MYT1: variants seen among roughly 807,000 people sequenced by gnomAD.
The protein encoded by MYT1 is myelin transcription factor I.
MYT1 carries 23 observed loss-of-function variants against 123.0 expected under a neutral mutation model. That is an observed-to-expected ratio of 0.19 (90% confidence interval 0.13 to 0.26). MYT1 has a LOEUF of 0.26. Among genes scored for constraint, MYT1 ranks in the 10% least tolerant of loss-of-function variants. MYT1 has a pLI of 1.00. For missense variants in MYT1, 1,125 were observed against 1,472.5 expected, an observed-to-expected ratio of 0.76 and a Z score of 3.86; for synonymous variants, 518 against 575.3, an observed-to-expected ratio of 0.90 and a Z score of 1.43.
rs538534244 is a variant in MYT1 at position 64,240,566 on chromosome 20, C to T, written c.*118C>T. The T allele has an allele frequency of 1.1e-4, 155 of 1,397,728 alleles. No homozygotes were observed. The highest frequency in any genetic ancestry group is 9.4e-4 in the African/African-American group (65 of 68,968). The allele number at this position is 1,397,728 out of a possible 1,614,324, so 86.6% of individuals were successfully genotyped here. Reference sequence around the variant, plus strand: ...TCCCGTTTGGGGCCCGGTGTGGCCGCGGGCGGGTTTATCCAAAGGGATGGC... The same window carrying T: ...TCCCGTTTGGGGCCCGGTGTGGCCGTGGGCGGGTTTATCCAAAGGGATGGC... On this transcript the variant is annotated 3_prime_UTR_variant, in exon 23 of 23. Transcript: ENST00000328439.
intron 7 of MYT1, among the ~76,000 whole-genome samples, chr20:64,209,545 A>G (rs912237): frequency 0.16 from 24,686 of 152,158 alleles, 2,938 homozygotes; most frequent in African/African-American, 0.33. Flanking sequence ...GTGCTCTTCC[A>G]ATGAGTGCCC....
chr20:64,170,922 GAGAGA>G (rs1281650340), intron 1 of MYT1, among the ~76,000 whole-genome samples: 1 of 138,196 alleles, frequency 7.2e-6, no homozygotes, highest in African/African-American at 2.8e-5. Context: ...GAGAGAGAGA[GAGAGA>G]GAGAGAGACG....
chr20:64,188,607 C>T (rs544905392), intron 1 of MYT1, among the ~76,000 whole-genome samples: 33 of 152,326 alleles, frequency 2.2e-4, no homozygotes, highest in Middle Eastern at 3.4e-3. Context: ...GATTCACTTA[C>T]GGAATCTTCC....
rs923733088 is a variant in MYT1, at chr20:64,207,733, G to A, written c.537G>A (p.Leu179=). 3.1e-6 allele frequency: 5 copies of A among 1,613,950 alleles called. No individual in the cohort carries two copies. In the African/African-American group the frequency reaches 4.0e-5, roughly 13 times the overall value. Residue 179 remains leucine (L), a synonymous_variant, in exon 7 of 23, where the codon CTG becomes CTA. Transcript: ENST00000328439. ...LNLGQIAEET[L]VEEDLGQAAK... ...TGGGTCAAATTGCTGAAGAGACCCT[G>A]GTGGAAGAGGACTTGGGCCAGGCGG...
At position 64,198,854 on chromosome 20, in the gene MYT1, G is replaced by C; in HGVS notation, c.1-8G>C. On this transcript the variant is annotated splice_polypyrimidine_tract_variant and splice_region_variant and intron_variant, in intron 2 of 22. Transcript: ENST00000328439. ...TTTCTTGTTAACGTCGTGGTTTTTT[G>C]CTTGCAGATGAGCTTAGAAAATGAA... The C allele has an allele frequency of 6.2e-7, 1 of 1,613,934 alleles. No individual in the cohort carries two copies. Among genetic ancestry groups the C allele is most frequent in the East Asian group, 2.2e-5 (1 of 44,874 alleles).
Position 64,219,997 on chromosome 20 carries a change from C to A in MYT1, c.2241+15C>A. The A allele has an allele frequency of 6.9e-7, 1 of 1,453,868 alleles. No homozygotes were observed. Among genetic ancestry groups the A allele is most frequent in the East Asian group, 2.6e-5 (1 of 39,124 alleles). 90.1% of individuals were successfully genotyped at this position (1,453,868 alleles called of 1,614,324 possible). A position where few individuals can be genotyped will look rare whatever the true frequency, so the allele number is the denominator to read the frequency against. ...AACCTGAGGAGGTGGGTGCAGGCGCCTGGGCAAGCAGTCAGGCGGCTGCAG... is the reference window on the plus strand; with the variant it reads ...AACCTGAGGAGGTGGGTGCAGGCGCATGGGCAAGCAGTCAGGCGGCTGCAG... On this transcript the variant is annotated intron_variant, in intron 13 of 22. Coordinates refer to ENST00000328439, the MANE Select transcript of MYT1 (RefSeq NM_004535.3).
rs143116197 is a variant in MYT1, at chr20:64,205,718, G to A, written c.315G>A (p.Ser105=). The A allele has an allele frequency of 5.0e-3, 8,073 of 1,614,168 alleles. 29 individuals carry two copies. The highest frequency in any genetic ancestry group is 6.3e-3 in the Non-Finnish European group (7,377 of 1,180,008). The change falls in exon 6 of 23, where the codon TCG becomes TCA. Residue 105 remains serine (S), a synonymous_variant. Transcript: ENST00000328439. Reference sequence around the variant, plus strand: ...CTGAGGTGAAGGACGCCTCTGTTTCGGATGAATCGGAAGGAACTCTGGAGG... The same window carrying A: ...CTGAGGTGAAGGACGCCTCTGTTTCAGATGAATCGGAAGGAACTCTGGAGG... ...EDTEVKDASV[S]DESEGTLEGA... is the part of the protein sequence containing the mutation.
intron 7 of MYT1, among the ~76,000 whole-genome samples, chr20:64,210,034 T>G (rs965988749): frequency 4.5e-4 from 69 of 152,290 alleles, no homozygotes; most frequent in Non-Finnish European, 9.1e-4. Context: ...CCGGGGTGGT[T>G]ACTAGCCTGG....
In MYT1 at chr20:64,191,293, CAT is replaced by C. The variant is rs111700537; in HGVS notation, c.-1+1134_-1+1135del. Among the ~76,000 whole-genome samples the C allele has an allele frequency of 6.7e-3, 1,014 of 152,328 alleles. 9 individuals carry two copies. Among genetic ancestry groups the C allele is most frequent in the African/African-American group, 0.023 (960 of 41,572 alleles). ...GGGACACTCCCGAACTGTGACATCA[CAT>C]GTGCTTACAGCCACTGTTCTCCACC... On this transcript the variant is annotated intron_variant, in intron 2 of 22. Transcript: ENST00000328439. This position sits in a 1 kb window ranked among gnomAD's most constrained non-coding sequence, Gnocchi z 4.1.
In MYT1 at chr20:64,205,810, C is replaced by A; in HGVS notation, c.397+10C>A. The A allele has an allele frequency of 6.2e-7, 1 of 1,612,108 alleles. No individual in the cohort carries two copies. Among genetic ancestry groups the A allele is most frequent in the South Asian group, 1.1e-5 (1 of 90,964 alleles). On this transcript the variant is annotated intron_variant, in intron 6 of 22. Coordinates refer to ENST00000328439, the MANE Select transcript of MYT1 (RefSeq NM_004535.3). ...CCCGAGACAGCTGAAGGTGCTTTGT[C>A]GCTCTTTCTTCCCCGAATAAAGGGC...
In MYT1 at chr20:64,166,948, C is replaced by A. The variant is rs943488330; in HGVS notation, c.-99+2209C>A. 2.6e-4 allele frequency among the ~76,000 whole-genome samples: 40 copies of A among 152,156 alleles called. No individual in the cohort carries two copies. The highest frequency in any genetic ancestry group is 1.9e-3 in the Admixed American group (29 of 15,284). Reference sequence around the variant, plus strand: ...GTGGCTGGAGCTTGGCCTGTCCCTGCTGTGGATGTGGTGGGCGCTCTCCCT... The same window carrying A: ...GTGGCTGGAGCTTGGCCTGTCCCTGATGTGGATGTGGTGGGCGCTCTCCCT... On this transcript the variant is annotated intron_variant, in intron 1 of 22. Transcript: ENST00000328439. The surrounding 1 kb of genome is among the most constrained non-coding windows in gnomAD (Gnocchi z 4.9).
At position 64,195,354 on chromosome 20, in the gene MYT1, C is replaced by CTGTGTGTG. The variant is rs5741790; in HGVS notation, c.1-3472_1-3465dup. Among the ~76,000 whole-genome samples the CTGTGTGTG allele has an allele frequency of 2.8e-3, 277 of 98,838 alleles. 4 individuals are homozygous for CTGTGTGTG. The highest frequency in any genetic ancestry group is 6.8e-3 in the Middle Eastern group (1 of 148). The allele number at this position is 98,838 out of a possible 152,430, so 64.8% of individuals were successfully genotyped here. A position where few individuals can be genotyped will look rare whatever the true frequency, so the allele number is the denominator to read the frequency against. On this transcript the variant is annotated intron_variant, in intron 2 of 22. Transcript: ENST00000328439. ...TCTTCGTACCATGTCATGGTGAGAA[C>CTGTGTGTG]TGTGTGTGTGTGTGTGTGTGTGTGT...
rs1221346676 is a variant in MYT1 at position 64,189,638 on chromosome 20, T to C, written c.-98-425T>C. ...TCTTCTTTTTCAAATGCATATGTACTGTGCATTCTTTTGAGGGGCAGAAGG... is the reference window on the plus strand; with the variant it reads ...TCTTCTTTTTCAAATGCATATGTACCGTGCATTCTTTTGAGGGGCAGAAGG... On this transcript the variant is annotated intron_variant, in intron 1 of 22. Transcript: ENST00000328439. The surrounding 1 kb of genome is among the most constrained non-coding windows in gnomAD (Gnocchi z 5.5). Among the ~76,000 whole-genome samples the C allele has an allele frequency of 1.3e-5, 2 of 152,226 alleles. No homozygotes were observed. Among genetic ancestry groups the C allele is most frequent in the Non-Finnish European group, 2.9e-5 (2 of 68,038 alleles).
rs1171101677 is a variant in MYT1, at chr20:64,166,200, A to G, written c.-99+1461A>G. ...GCAGGGATTGGAGTCCTGTGGTACC[A>G]GCCAGGGTGCTGCTATCAGTAGAGG... On this transcript the variant is annotated intron_variant, in intron 1 of 22. Coordinates refer to ENST00000328439, the MANE Select transcript of MYT1 (RefSeq NM_004535.3). The surrounding 1 kb of genome is among the most constrained non-coding windows in gnomAD (Gnocchi z 4.9). 6.6e-6 allele frequency among the ~76,000 whole-genome samples: 1 copy of G among 152,236 alleles called. No homozygotes were observed. The highest frequency in any genetic ancestry group is 1.5e-5 in the Non-Finnish European group (1 of 68,042).
rs2427624 is a variant in MYT1 at position 64,240,305 on chromosome 20, G to T, written c.3238-15G>T. On this transcript the variant is annotated splice_polypyrimidine_tract_variant and intron_variant, in intron 22 of 22. Coordinates refer to ENST00000328439, the MANE Select transcript of MYT1 (RefSeq NM_004535.3). Reference sequence around the variant, plus strand: ...CTGCATGGACGGAGCTTGCTAACCTGGTTCTGTTCTCTAGGAGCCAATATG... The same window carrying T: ...CTGCATGGACGGAGCTTGCTAACCTTGTTCTGTTCTCTAGGAGCCAATATG... 0.057 allele frequency: 92,061 copies of T among 1,612,352 alleles called. 3,368 individuals are homozygous for T. Among genetic ancestry groups the T allele is most frequent in the African/African-American group, 0.15 (11,155 of 74,994 alleles).
At position 64,191,270 on chromosome 20, in the gene MYT1, G is replaced by T. The variant is rs1313102722; in HGVS notation, c.-1+1110G>T. On this transcript the variant is annotated intron_variant, in intron 2 of 22. Coordinates refer to ENST00000328439, the MANE Select transcript of MYT1 (RefSeq NM_004535.3). The surrounding 1 kb of genome is among the most constrained non-coding windows in gnomAD (Gnocchi z 4.1). ...CCAGGGTATAAGATCTCCCTTCGGG[G>T]ACACTCCCGAACTGTGACATCACAT... Among the ~76,000 whole-genome samples, 1 of 152,120 alleles carries T rather than the reference G, an allele frequency of 6.6e-6. No individual in the cohort carries two copies. The highest frequency in any genetic ancestry group is 1.5e-5 in the Non-Finnish European group (1 of 68,026).
intron 2 of MYT1, 145 bp from the exon 3 acceptor site, chr20:64,198,717 G>A: frequency 1.2e-6 from 1 of 801,952 alleles, no homozygotes; most frequent in Non-Finnish European, 2.0e-6. Context: ...TTCTTGTCCT[G>A]TGAGCCCATC....
At chr20:64,215,210 G>A (rs989374102) in intron 10 of MYT1, among the ~76,000 whole-genome samples, 2 of 152,172 alleles carry the variant, frequency 1.3e-5, no homozygotes, top group African/African-American at 4.8e-5. Flanking sequence ...TTTGGCCCCC[G>A]TGTGAGGCCA....
Position 64,168,059 on chromosome 20 carries a change from C to T in MYT1, c.-99+3320C>T, listed in dbSNP as rs377275881. ...CCCAGCCCGGAGTGTCTGCTGGAGG[C>T]CTGGGGGGTGGAATGTGCTTTCACG... is the stretch of plus-strand genomic sequence containing the variant. On this transcript the variant is annotated intron_variant, in intron 1 of 22. Coordinates refer to ENST00000328439, the MANE Select transcript of MYT1 (RefSeq NM_004535.3). The surrounding 1 kb of genome is among the most constrained non-coding windows in gnomAD (Gnocchi z 6.1). Among the ~76,000 whole-genome samples, 430 of 152,270 alleles carry T rather than the reference C, an allele frequency of 2.8e-3. 24 individuals are homozygous for T. In the South Asian group the frequency reaches 0.077, roughly 27 times the overall value.
Sources: allele counts gnomAD v4.1 joint callset (sites outside exome capture counted in the v4.1 genomes callset), GRCh38; gene constraint gnomAD v4.1.1; non-coding constraint Gnocchi (gnomAD v3.1); transcripts MANE v1.5; gene names NCBI Gene and HGNC (gene_info 2026-07-23, HGNC 2026-07-21).